NANOS3: variants seen among roughly 807,000 people sequenced by gnomAD.
NANOS3 encodes the protein nanos C2HC-type zinc finger 3.
Under a neutral mutation model 13.8 loss-of-function variants are expected in NANOS3, and 11 were observed. That is an observed-to-expected ratio of 0.80 (90% CI 0.50 to 1.32). The LOEUF (loss-of-function observed/expected upper bound fraction) is 1.32, where lower values mean the gene tolerates loss of function less well. Among genes scored for constraint, NANOS3 ranks in the 40% most tolerant of loss-of-function variants. The probability of loss-of-function intolerance (pLI) is 0.00; values close to 1 mark genes in which losing one functional copy is unlikely to be tolerated. For missense variants in NANOS3, 221 were observed against 263.8 expected (o/e 0.84, Z 1.12); for synonymous variants, 119 against 115.4 (o/e 1.03, Z -0.20).
chr19:13,863,594 C>G (rs1208170579), upstream of NANOS3, among the ~76,000 whole-genome samples: 2 of 151,588 alleles, frequency 1.3e-5, no homozygotes, highest in Non-Finnish European at 2.9e-5. Flanking sequence ...ACAGAGCTGA[C>G]TGGCCCCCCC....
In NANOS3 at chr19:13,880,597, CCCCAG is replaced by C. The variant is rs1413690060; in HGVS notation, c.*97_*101del. ...GACTGCCCCCACTCCCAGACCCTCC[CCCCAG>C]CCTGGGATTGAGCCCTGGGGATGAC... On this transcript the variant is annotated 3_prime_UTR_variant, in exon 2 of 2. Transcript: ENST00000339133. 1 of 1,071,868 alleles carries C rather than the reference CCCCAG, an allele frequency of 9.3e-7. No individual in the cohort carries two copies. The highest frequency in any genetic ancestry group is 1.4e-6 in the Non-Finnish European group (1 of 699,978). 66.4% of individuals were successfully genotyped at this position (1,071,868 alleles called of 1,614,324 possible).
At chr19:13,877,123 C>A, upstream of NANOS3, 1 of 830,520 alleles carries the variant, frequency 1.2e-6, no homozygotes, top group Non-Finnish European at 1.9e-6. Flanking sequence ...GGTCGGCCAG[C>A]ACAGACTCCC....
At chr19:13,871,059 T>A (rs1976320618) in intron 1 of NANOS3, among the ~76,000 whole-genome samples, 1 of 151,576 alleles carries the variant, frequency 6.6e-6, no homozygotes, top group South Asian at 2.1e-4. Context: ...AGGCTCAGGG[T>A]CACAAGCAGG....
chr19:13,875,555 A>T (rs1968492468), upstream of NANOS3, among the ~76,000 whole-genome samples: 1 of 150,652 alleles, frequency 6.6e-6, no homozygotes, highest in Non-Finnish European at 1.5e-5. Context: ...TTGTTTTTTA[A>T]ATTAGAGACA....
At chr19:13,866,479 C>T (rs925542179) in intron 1 of NANOS3, among the ~76,000 whole-genome samples, 2 of 152,186 alleles carry the variant, frequency 1.3e-5, no homozygotes, top group African/African-American at 4.8e-5. Flanking sequence ...AGACATACAG[C>T]ACCCCGATTA....
In NANOS3 at chr19:13,877,305, T is replaced by C. The variant is rs529273940; in HGVS notation, c.57T>C (p.Ala19=). The C allele has an allele frequency of 1.2e-6, 2 of 1,613,132 alleles. No homozygotes were observed. Among genetic ancestry groups the C allele is most frequent in the South Asian group, 2.2e-5 (2 of 91,082 alleles). Residue 19 remains alanine, a synonymous_variant, in exon 1 of 2, where the codon GCT becomes GCC. Transcript: ENST00000339133. The part of the protein sequence containing the change: ...DYLGLAHLVR[A]LSGKEGPETR... ...TGGGTTTGGCACACCTGGTTAGGGC[T>C]CTGAGTGGGAAAGAGGGTCCTGAAA... is the stretch of plus-strand genomic sequence containing the variant.
At chr19:13,870,816 C>T (rs10420192) in intron 1 of NANOS3, among the ~76,000 whole-genome samples, 8,191 of 151,298 alleles carry the variant, frequency 0.054, 739 homozygotes, top group African/African-American at 0.19. Flanking sequence ...CTGACCTCAA[C>T]TGATCTGCCC....
upstream of NANOS3, among the ~76,000 whole-genome samples, chr19:13,876,713 C>T (rs1429658184): frequency 1.3e-5 from 2 of 152,146 alleles, no homozygotes; most frequent in East Asian, 3.9e-4. Flanking sequence ...ACACAAAGAA[C>T]CCAGGGGCAC....
At chr19:13,864,889 C>G (rs1034724565), upstream of NANOS3, among the ~76,000 whole-genome samples, 1 of 152,096 alleles carries the variant, frequency 6.6e-6, no homozygotes, top group Non-Finnish European at 1.5e-5. Flanking sequence ...TCCCGCCACC[C>G]CCTCCCTTGG....
upstream of NANOS3, among the ~76,000 whole-genome samples, chr19:13,863,513 C>T (rs1185275245): frequency 6.6e-6 from 1 of 152,126 alleles, no homozygotes; most frequent in Non-Finnish European, 1.5e-5. Context: ...CCACTGTGCC[C>T]GGCCCCCCTT....
chr19:13,863,419 T>A (rs1568360497), upstream of NANOS3, among the ~76,000 whole-genome samples: 1 of 152,226 alleles, frequency 6.6e-6, no homozygotes, highest in East Asian at 1.9e-4. Context: ...TGTCTCGCTG[T>A]GTTGCCCAGA....
chr19:13,870,560 CTTT>C (rs34524831), intron 1 of NANOS3, among the ~76,000 whole-genome samples: 781 of 71,552 alleles, frequency 0.011, 3 homozygotes, highest in African/African-American at 0.049. Context: ...GATAGCGTGG[CTTT>C]TTTTTTTTTT....
At chr19:13,868,873 AC>A (rs1046360548) in intron 1 of NANOS3, among the ~76,000 whole-genome samples, 1 of 151,750 alleles carries the variant, frequency 6.6e-6, no homozygotes, top group African/African-American at 2.4e-5. Context: ...CCTGATATAC[AC>A]CCACAGCAAT....
chr19:13,870,126 C>T (rs969882249), intron 1 of NANOS3, among the ~76,000 whole-genome samples: 2 of 151,996 alleles, frequency 1.3e-5, no homozygotes, highest in African/African-American at 2.4e-5. Context: ...CTGCGTCTCA[C>T]TCACTGCAGC....
chr19:13,875,188 C>CCT (rs1968485645), upstream of NANOS3, among the ~76,000 whole-genome samples: 1 of 141,868 alleles, frequency 7.0e-6, no homozygotes, highest in Non-Finnish European at 1.6e-5. Flanking sequence ...CTAAAATCCC[C>CCT]TTTTTTTTTT....
upstream of NANOS3, among the ~76,000 whole-genome samples, chr19:13,873,632 A>G (rs1264258423): frequency 6.6e-6 from 1 of 151,672 alleles, no homozygotes; most frequent in Non-Finnish European, 1.5e-5. Context: ...TCACTACACC[A>G]CACCCAGCTA....
chr19:13,875,068 A>C (rs554192722), upstream of NANOS3: 9 of 416,850 alleles, frequency 2.2e-5, no homozygotes, highest in Admixed American at 2.5e-4. Context: ...CCCTGACCCC[A>C]ACCACTCCTC....
At chr19:13,873,374 G>T (rs146009619), upstream of NANOS3, among the ~76,000 whole-genome samples, 26 of 151,888 alleles carry the variant, frequency 1.7e-4, no homozygotes, top group East Asian at 5.1e-3. Flanking sequence ...CACGCAGCTC[G>T]GCACACTTGG....
chr19:13,872,234 A>G (rs1976338325), upstream of NANOS3, among the ~76,000 whole-genome samples: 2 of 151,434 alleles, frequency 1.3e-5, no homozygotes, highest in African/African-American at 4.9e-5. Context: ...AGTCCCAGCT[A>G]CTCAGGAGGC....
Sources: allele counts gnomAD v4.1 joint callset (sites outside exome capture counted in the v4.1 genomes callset), GRCh38; gene constraint gnomAD v4.1.1; transcripts MANE v1.5; gene names NCBI Gene and HGNC (gene_info 2026-07-23, HGNC 2026-07-21).